Variants in NMBR observed in about 807,000 individuals in gnomAD.
NMBR encodes neuromedin B receptor.
A neutral mutation model predicts 20.5 loss-of-function variants in NMBR; 16 were observed. That is an observed-to-expected ratio of 0.78 (90% CI 0.53 to 1.19). The LOEUF (loss-of-function observed/expected upper bound fraction) is 1.19, where lower values mean the gene tolerates loss of function less well. NMBR is among the 50% of genes most tolerant of loss of function. The pLI is 0.00. For missense variants in NMBR, 582 were observed against 499.1 expected, an observed-to-expected ratio of 1.17 and a Z score of -1.58; for synonymous variants, 212 against 196.6, an observed-to-expected ratio of 1.08 and a Z score of -0.65.
At chr6:142,125,276 A>G (rs916394172) in intron 1 of NMBR, among the ~76,000 whole-genome samples, 1 of 151,870 alleles carries the variant, frequency 6.6e-6, no homozygotes, top group African/African-American at 2.4e-5. Flanking sequence ...GAATCAAAAA[A>G]TGGTAGAGAG....
intron 1 of NMBR, among the ~76,000 whole-genome samples, chr6:142,089,546 C>T (rs1777281377): frequency 6.6e-6 from 1 of 152,126 alleles, no homozygotes; most frequent in Non-Finnish European, 1.5e-5. Flanking sequence ...TCATTCAGAG[C>T]CCACAATCTA....
At chr6:142,130,482 T>G (rs1196526386) in intron 1 of NMBR, among the ~76,000 whole-genome samples, 3 of 152,164 alleles carry the variant, frequency 2.0e-5, no homozygotes, top group Non-Finnish European at 4.4e-5. Context: ...CTAGATATCT[T>G]AAGAGCACTT....
At chr6:142,110,574 A>T (rs571277739) in intron 1 of NMBR, among the ~76,000 whole-genome samples, 7 of 152,294 alleles carry the variant, frequency 4.6e-5, no homozygotes, top group African/African-American at 1.4e-4. Context: ...GTTGCCTAGG[A>T]CTAGGGGAGT....
chr6:142,105,614 C>T (rs1777648244), intron 1 of NMBR, among the ~76,000 whole-genome samples: 1 of 151,940 alleles, frequency 6.6e-6, no homozygotes, highest in South Asian at 2.1e-4. Context: ...CATTTTTATG[C>T]CTTTATATAT....
At chr6:142,102,608 T>A (rs961396574) in intron 1 of NMBR, among the ~76,000 whole-genome samples, 2 of 152,124 alleles carry the variant, frequency 1.3e-5, no homozygotes, top group African/African-American at 4.8e-5. Context: ...GTGCAACCAT[T>A]AAAGCCTCCT....
intron 1 of NMBR, among the ~76,000 whole-genome samples, chr6:142,101,782 C>T (rs1171338546): frequency 6.6e-6 from 1 of 152,108 alleles, no homozygotes; most frequent in African/African-American, 2.4e-5. Context: ...ATGACCAAAA[C>T]TTCAGGCCTT....
chr6:142,145,019 C>T (rs1356640358), intron 1 of NMBR, among the ~76,000 whole-genome samples: 4 of 22,832 alleles, frequency 1.8e-4, no homozygotes, highest in East Asian at 1.7e-3. Context: ...GAGAACCTGT[C>T]TAAAAAAAAA....
intron 1 of NMBR, among the ~76,000 whole-genome samples, chr6:142,115,813 T>C (rs555379407): frequency 2.0e-5 from 3 of 152,234 alleles, no homozygotes; most frequent in Non-Finnish European, 4.4e-5. Context: ...AATTATCTAA[T>C]GACTTTGAAT....
chr6:142,099,524 G>A (rs747822072), intron 1 of NMBR, among the ~76,000 whole-genome samples: 1 of 152,036 alleles, frequency 6.6e-6, no homozygotes, highest in Non-Finnish European at 1.5e-5. Flanking sequence ...CAAGGGGGAA[G>A]TATCCCCCTT....
intron 1 of NMBR, among the ~76,000 whole-genome samples, chr6:142,110,558 T>C (rs1777744646): frequency 6.6e-6 from 1 of 152,098 alleles, no homozygotes; most frequent in Non-Finnish European, 1.5e-5. Flanking sequence ...GATAGAAAGA[T>C]TAGTGGTTGC....
At chr6:142,120,710 G>T (rs1001090843) in intron 1 of NMBR, among the ~76,000 whole-genome samples, 2 of 151,858 alleles carry the variant, frequency 1.3e-5, no homozygotes, top group Admixed American at 6.6e-5. Flanking sequence ...TGCCCTATGC[G>T]ACAAGCTAAT....
At chr6:142,108,932 A>G (rs1323792453) in intron 1 of NMBR, among the ~76,000 whole-genome samples, 1 of 152,216 alleles carries the variant, frequency 6.6e-6, no homozygotes, top group Non-Finnish European at 1.5e-5. Context: ...CTTCCTAGAT[A>G]CAATGAGAGT....
chr6:142,102,300 G>A (rs983866544), intron 1 of NMBR, among the ~76,000 whole-genome samples: 1 of 150,220 alleles, frequency 6.7e-6, no homozygotes, highest in Non-Finnish European at 1.5e-5. Flanking sequence ...TGAGGCAGGA[G>A]AATGGCATGA....
At chr6:142,097,558 T>C (rs1237388327) in intron 1 of NMBR, among the ~76,000 whole-genome samples, 1 of 152,116 alleles carries the variant, frequency 6.6e-6, no homozygotes, top group African/African-American at 2.4e-5. Flanking sequence ...ATAAACCCAT[T>C]GTTAAAGTCA....
chr6:142,115,170 G>A (rs1365371985), intron 1 of NMBR, among the ~76,000 whole-genome samples: 1 of 152,026 alleles, frequency 6.6e-6, no homozygotes, highest in African/African-American at 2.4e-5. Flanking sequence ...CCTGTGTGTT[G>A]CCAAATGTTC....
intron 1 of NMBR, among the ~76,000 whole-genome samples, chr6:142,129,066 A>G (rs1351536207): frequency 6.6e-6 from 1 of 150,838 alleles, no homozygotes; most frequent in East Asian, 1.9e-4. Flanking sequence ...ACTCATTTTT[A>G]TTTATTTTGA....
chr6:142,111,275 C>T (rs1682730182), intron 1 of NMBR, among the ~76,000 whole-genome samples: 1 of 151,900 alleles, frequency 6.6e-6, no homozygotes, highest in African/African-American at 2.4e-5. Context: ...GTCTTACACA[C>T]TGAAATCACT....
At chr6:142,080,593 A>G (rs1777074940) in intron 2 of NMBR, among the ~76,000 whole-genome samples, 1 of 152,124 alleles carries the variant, frequency 6.6e-6, no homozygotes, top group Non-Finnish European at 1.5e-5. Context: ...GGTTATAGGT[A>G]TGAGCTACTG....
At chr6:142,135,133 C>A in intron 1 of NMBR, 1 of 272,374 alleles carries the variant, frequency 3.7e-6, no homozygotes, top group Non-Finnish European at 6.8e-6. Context: ...ATACACAGAA[C>A]TACTGTTAAT....
Sources: allele counts gnomAD v4.1 joint callset (sites outside exome capture counted in the v4.1 genomes callset), GRCh38; gene constraint gnomAD v4.1.1; transcripts MANE v1.5; gene names NCBI Gene and HGNC (gene_info 2026-07-23, HGNC 2026-07-21).